ADARB2: variants seen among roughly 807,000 people sequenced by gnomAD.
ADARB2 encodes the protein adenosine deaminase RNA specific B2 (inactive).
ADARB2 carries 25 observed loss-of-function variants against 62.2 expected under a neutral mutation model. The ratio of observed to expected loss-of-function variants is 0.40; its 90% CI spans 0.29 to 0.56. ADARB2 has a LOEUF of 0.56. Among genes scored for constraint, ADARB2 ranks in the 20% least tolerant of loss-of-function variants. The pLI, the probability that ADARB2 is intolerant of heterozygous loss-of-function variation, is 0.43. For synonymous variants in ADARB2, 572 were observed against 500.8 expected, an observed-to-expected ratio of 1.14 and a Z score of -1.90; for missense variants, 1,071 against 1,077.4, an observed-to-expected ratio of 0.99 and a Z score of 0.08.
chr10:1,325,226 G>C (rs979495454), intron 3 of ADARB2, among the ~76,000 whole-genome samples: 7 of 152,074 alleles, frequency 4.6e-5, no homozygotes, highest in African/African-American at 1.7e-4. Flanking sequence ...GTCCTCTACC[G>C]GGGGGTCCCT....
At chr10:1,521,804 C>T (rs1162909483) in intron 1 of ADARB2, among the ~76,000 whole-genome samples, 4 of 150,026 alleles carry the variant, frequency 2.7e-5, no homozygotes, top group Non-Finnish European at 5.9e-5. Context: ...CAACCCCTTC[C>T]CTGCTTCAAG....
chr10:1,641,847 T>C (rs952238630), intron 1 of ADARB2, among the ~76,000 whole-genome samples: 9 of 152,164 alleles, frequency 5.9e-5, no homozygotes, highest in Non-Finnish European at 1.2e-4. Context: ...ACCCTGTCTC[T>C]ACTAAAAATA....
chr10:1,450,151 C>T (rs1304238599), intron 1 of ADARB2, among the ~76,000 whole-genome samples: 4 of 152,258 alleles, frequency 2.6e-5, no homozygotes, highest in East Asian at 1.9e-4. Flanking sequence ...GAGCTCCCCA[C>T]GCTCCCGTCG....
At chr10:1,184,582 G>A (rs1411737504) in intron 9 of ADARB2, among the ~76,000 whole-genome samples, 5 of 152,232 alleles carry the variant, frequency 3.3e-5, no homozygotes, top group African/African-American at 4.8e-5. Context: ...AACAAAGCAG[G>A]TGGTGCCGTG....
chr10:1,320,801 A>C (rs911540213), intron 3 of ADARB2, among the ~76,000 whole-genome samples: 3 of 152,314 alleles, frequency 2.0e-5, no homozygotes, highest in African/African-American at 7.2e-5. Flanking sequence ...ATTAGAATAC[A>C]ATGGGCCGGC....
At chr10:1,214,458 G>A (rs1386256751) in intron 7 of ADARB2, among the ~76,000 whole-genome samples, 2 of 136,642 alleles carry the variant, frequency 1.5e-5, no homozygotes, top group Admixed American at 7.1e-5. Flanking sequence ...TGTACCCAGC[G>A]TTGCGTGGGT....
intron 3 of ADARB2, among the ~76,000 whole-genome samples, chr10:1,357,231 C>T (rs776750660): frequency 4.6e-5 from 7 of 152,190 alleles, no homozygotes; most frequent in Admixed American, 4.6e-4. Flanking sequence ...TGGCTGGTTT[C>T]TAGCCAGAGG....
At chr10:1,634,887 A>G (rs1246401904) in intron 1 of ADARB2, among the ~76,000 whole-genome samples, 1 of 152,212 alleles carries the variant, frequency 6.6e-6, no homozygotes, top group Non-Finnish European at 1.5e-5. Flanking sequence ...TTCCAGAACA[A>G]ACATTTTTTA....
At chr10:1,614,261 A>C (rs1327068476) in intron 1 of ADARB2, among the ~76,000 whole-genome samples, 1 of 152,250 alleles carries the variant, frequency 6.6e-6, no homozygotes, top group African/African-American at 2.4e-5. Flanking sequence ...ACAGAACATC[A>C]ATGTTTATTA....
intron 3 of ADARB2, among the ~76,000 whole-genome samples, chr10:1,316,217 C>G (rs949733752): frequency 1.5e-4 from 23 of 152,240 alleles, no homozygotes; most frequent in Non-Finnish European, 2.6e-4. Flanking sequence ...ATTTCCCCTT[C>G]CGAGTCAGCT....
intron 1 of ADARB2, among the ~76,000 whole-genome samples, chr10:1,514,906 C>A (rs896534714): frequency 5.9e-5 from 9 of 151,802 alleles, no homozygotes; most frequent in Admixed American, 5.9e-4. Context: ...AGCAGTGGAG[C>A]GTAGGGTTTG....
rs1465771155 is a variant in ADARB2, at chr10:1,336,829, C to T, written c.1077+26199G>A. ...GCTTGCAGGATGTTTCAGCTCATTT[C>T]TTTCCATCGTCGTTGGTGATTCTCA... On this transcript the variant is annotated intron_variant, in intron 3 of 9. Coordinates refer to ENST00000381312, the MANE Select transcript of ADARB2 (RefSeq NM_018702.4). Among the ~76,000 whole-genome samples the T allele has an allele frequency of 3.3e-5, 5 of 152,108 alleles. No homozygotes were observed. In the East Asian group the frequency reaches 5.8e-4, roughly 18 times the overall value.
intron 1 of ADARB2, among the ~76,000 whole-genome samples, chr10:1,546,125 G>C (rs1185497552): frequency 6.6e-6 from 1 of 152,008 alleles, no homozygotes; most frequent in Non-Finnish European, 1.5e-5. Context: ...GCTGCCTGTT[G>C]ACTGATGGCT....
chr10:1,449,032 G>A (rs1010292448), intron 1 of ADARB2, among the ~76,000 whole-genome samples: 1 of 152,146 alleles, frequency 6.6e-6, no homozygotes, highest in African/African-American at 2.4e-5. Flanking sequence ...AGGGTTCTGG[G>A]TAATTGTGTC....
At chr10:1,239,989 C>T (rs1334293238) in intron 5 of ADARB2, among the ~76,000 whole-genome samples, 13 of 5,902 alleles carry the variant, frequency 2.2e-3, no homozygotes, top group Admixed American at 3.1e-3. Context: ...CTCCCCTCTG[C>T]CTCCCGGTGT....
At chr10:1,639,734 C>A (rs11250691) in intron 1 of ADARB2, among the ~76,000 whole-genome samples, 36 of 151,984 alleles carry the variant, frequency 2.4e-4, no homozygotes, top group African/African-American at 8.2e-4. Flanking sequence ...CCCAGCTACT[C>A]AGGAGGCTGA....
Position 1,248,313 on chromosome 10 carries a change from T to C in ADARB2, c.1193-6014A>G, listed in dbSNP as rs532588448. Among the ~76,000 whole-genome samples the C allele has an allele frequency of 2.0e-5, 3 of 150,402 alleles. No individual in the cohort carries two copies. The South Asian group carries it at 6.5e-4, about 32-fold the overall frequency. ...CTCCAGCTGACCAAACAGGAAGCTC[T>C]GGAGTGTGAGGCAAGGGCGTGCAAC... is the stretch of plus-strand genomic sequence containing the variant. On this transcript the variant is annotated intron_variant, in intron 4 of 9. Transcript: ENST00000381312.
intron 1 of ADARB2, chr10:1,678,093 C>T (rs1165973987): frequency 2.1e-6 from 2 of 946,102 alleles, no homozygotes. Flanking sequence ...TTTTAAAGGC[C>T]AATTTCTGTG....
At chr10:1,662,046 G>A (rs1834255819) in intron 1 of ADARB2, among the ~76,000 whole-genome samples, 1 of 152,182 alleles carries the variant, frequency 6.6e-6, no homozygotes, top group Non-Finnish European at 1.5e-5. Context: ...TCCCCAGGGA[G>A]GTCCACACCC....
Sources: gnomAD v4.1 joint callset for allele counts (sites outside exome capture counted in the v4.1 genomes callset) on GRCh38, gnomAD v4.1.1 for gene constraint, MANE v1.5 for transcripts, NCBI Gene and HGNC (gene_info 2026-07-23, HGNC 2026-07-21) for gene names.